DNAJC3: variants seen among roughly 807,000 people sequenced by gnomAD.
DNAJC3 encodes dnaJ homolog subfamily C member 3.
DNAJC3 carries 38 observed loss-of-function variants against 68.6 expected under a neutral mutation model. The ratio of observed to expected loss-of-function variants is 0.55; its 90% CI spans 0.43 to 0.73. The LOEUF (loss-of-function observed/expected upper bound fraction) is 0.73, where lower values mean the gene tolerates loss of function less well. Ranked by LOEUF, DNAJC3 falls within the 30% of genes least tolerant of loss-of-function variation. The pLI, the probability that DNAJC3 is intolerant of heterozygous loss-of-function variation, is 0.00. For missense variants in DNAJC3, 526 were observed against 591.9 expected, an observed-to-expected ratio of 0.89 and a Z score of 1.16; for synonymous variants, 203 against 204.0, an observed-to-expected ratio of 1.00 and a Z score of 0.04.
chr13:95,778,106 G>A (rs560093472), intron 9 of DNAJC3, among the ~76,000 whole-genome samples: 1 of 152,046 alleles, frequency 6.6e-6, no homozygotes, highest in Non-Finnish European at 1.5e-5. Context: ...TGCCCAGAGT[G>A]AGCCACACAT....
intron 7 of DNAJC3, among the ~76,000 whole-genome samples, chr13:95,761,487 G>A (rs543155087): frequency 6.6e-6 from 1 of 152,244 alleles, no homozygotes; most frequent in East Asian, 1.9e-4. Context: ...GCCATCATGA[G>A]AATGCTTCAC....
At chr13:95,687,088 T>C (rs543197334) in intron 1 of DNAJC3, among the ~76,000 whole-genome samples, 37 of 152,358 alleles carry the variant, frequency 2.4e-4, no homozygotes, top group South Asian at 1.9e-3. Context: ...ATCTTTCACC[T>C]CCTTGGTCAG....
chr13:95,778,895 T>G (rs1194452427), intron 9 of DNAJC3, among the ~76,000 whole-genome samples: 2 of 152,200 alleles, frequency 1.3e-5, no homozygotes, highest in Non-Finnish European at 2.9e-5. Flanking sequence ...TATTATAATT[T>G]TGTATGCCAA....
chr13:95,700,347 C>A (rs57025821), intron 1 of DNAJC3, among the ~76,000 whole-genome samples: 2,592 of 152,206 alleles, frequency 0.017, 78 homozygotes, highest in African/African-American at 0.06. Flanking sequence ...GTTTCTCGAA[C>A]TAACCAGCTT....
intron 1 of DNAJC3, among the ~76,000 whole-genome samples, chr13:95,701,479 T>TG (rs17884785): frequency 0.017 from 2,596 of 152,110 alleles, 78 homozygotes; most frequent in African/African-American, 0.06. Flanking sequence ...TTGTTTTCAG[T>TG]TTTTTCCTGG....
At chr13:95,779,206 G>C (rs1004821554) in intron 9 of DNAJC3, among the ~76,000 whole-genome samples, 11 of 139,986 alleles carry the variant, frequency 7.9e-5, no homozygotes, top group African/African-American at 2.2e-4. Flanking sequence ...CTCAATGCAA[G>C]CTCCGCCTCC....
intron 9 of DNAJC3, among the ~76,000 whole-genome samples, chr13:95,764,683 T>C (rs9556497): frequency 0.11 from 9,869 of 87,272 alleles, 624 homozygotes; most frequent in African/African-American, 0.19. Context: ...TATATATATA[T>C]ACACACACAC....
chr13:95,751,819 C>T (rs1002389013), intron 4 of DNAJC3, among the ~76,000 whole-genome samples: 1 of 152,146 alleles, frequency 6.6e-6, no homozygotes, highest in Non-Finnish European at 1.5e-5. Flanking sequence ...GGAGGCCTCA[C>T]AATCATGGTG....
At chr13:95,767,026 G>A (rs1488908852) in intron 9 of DNAJC3, among the ~76,000 whole-genome samples, 1 of 152,054 alleles carries the variant, frequency 6.6e-6, no homozygotes, top group Non-Finnish European at 1.5e-5. Context: ...ATTTTTAATT[G>A]TGGTAAAAGA....
At position 95,791,213 on chromosome 13, in the gene DNAJC3, C is replaced by A; in HGVS notation, c.*183C>A. On this transcript the variant is annotated 3_prime_UTR_variant, in exon 12 of 12. Transcript: ENST00000602402. Reference sequence around the variant, plus strand: ...TTTATGGTTAATGGGTTTGCAACGGCAAGGAGGCAAGGAATGGTTCTATTT... The same window carrying A: ...TTTATGGTTAATGGGTTTGCAACGGAAAGGAGGCAAGGAATGGTTCTATTT... The A allele has an allele frequency of 1.5e-6, 1 of 650,964 alleles. No individual in the cohort carries two copies. The highest frequency in any genetic ancestry group is 2.6e-6 in the Non-Finnish European group (1 of 388,274). The allele number at this position is 650,964 out of a possible 1,614,324, so 40.3% of individuals were successfully genotyped here.
chr13:95,690,822 A>T (rs1166118543), intron 1 of DNAJC3, among the ~76,000 whole-genome samples: 53 of 43,722 alleles, frequency 1.2e-3, no homozygotes, highest in South Asian at 1.8e-3. Flanking sequence ...CGGACGGGGC[A>T]GCTGGCCGGG....
chr13:95,779,375 C>G (rs776913145), intron 9 of DNAJC3, among the ~76,000 whole-genome samples: 3 of 152,054 alleles, frequency 2.0e-5, no homozygotes, highest in Admixed American at 6.5e-5. Flanking sequence ...CTGCCCACTG[C>G]GGCCTCCCAA....
chr13:95,738,967 G>T (rs1394749807), intron 4 of DNAJC3, among the ~76,000 whole-genome samples: 3 of 152,066 alleles, frequency 2.0e-5, no homozygotes, highest in Non-Finnish European at 4.4e-5. Context: ...GGTACTGGTT[G>T]TTCCTTTCCA....
At chr13:95,697,375 A>T (rs1213129796) in intron 1 of DNAJC3, among the ~76,000 whole-genome samples, 1 of 152,176 alleles carries the variant, frequency 6.6e-6, no homozygotes. Context: ...TTTGGCATGT[A>T]AGGTTTCTGC....
At chr13:95,710,705 G>C (rs902838281) in intron 2 of DNAJC3, among the ~76,000 whole-genome samples, 1 of 151,904 alleles carries the variant, frequency 6.6e-6, no homozygotes, top group Admixed American at 6.6e-5. Flanking sequence ...TTTTGTTTTT[G>C]AGACAGGATC....
At chr13:95,682,819 A>G (rs538861609) in intron 1 of DNAJC3, among the ~76,000 whole-genome samples, 6 of 152,346 alleles carry the variant, frequency 3.9e-5, no homozygotes, top group African/African-American at 1.4e-4. Flanking sequence ...CATTGATCAT[A>G]TGTTTGACTT....
At chr13:95,772,143 T>G (rs981387935) in intron 9 of DNAJC3, among the ~76,000 whole-genome samples, 29 of 152,178 alleles carry the variant, frequency 1.9e-4, no homozygotes, top group African/African-American at 7.0e-4. Context: ...CAATAAAACT[T>G]TATTTTGAAA....
intron 4 of DNAJC3, among the ~76,000 whole-genome samples, chr13:95,754,449 T>G (rs1566500597): frequency 6.6e-6 from 1 of 152,218 alleles, no homozygotes; most frequent in Non-Finnish European, 1.5e-5. Context: ...CTCTGTTTTT[T>G]AACAAACTTT....
chr13:95,707,946 G>A (rs902857005), intron 1 of DNAJC3, among the ~76,000 whole-genome samples: 1 of 152,168 alleles, frequency 6.6e-6, no homozygotes, highest in South Asian at 2.1e-4. Context: ...AGCGAAGGCT[G>A]GTTAGCCTGT....
Sources: gnomAD v4.1 joint callset for allele counts (sites outside exome capture counted in the v4.1 genomes callset) on GRCh38, gnomAD v4.1.1 for gene constraint, MANE v1.5 for transcripts, NCBI Gene and HGNC (gene_info 2026-07-23, HGNC 2026-07-21) for gene names.